The following NR2C2 variants were observed in gnomAD, a reference collection of about 807,000 sequenced individuals.
The protein encoded by NR2C2 is nuclear receptor subfamily 2 group C member 2, also known as Nuclear hormone receptor TR4.
In NR2C2, 6 loss-of-function variants were observed where a neutral mutation model predicts 62.9. That is an observed-to-expected ratio of 0.10 (90% confidence interval 0.05 to 0.19). The LOEUF is 0.19. Among genes scored for constraint, NR2C2 ranks in the 10% least tolerant of loss-of-function variants. NR2C2 has a pLI of 1.00. For missense variants in NR2C2, 479 were observed against 762.7 expected, an observed-to-expected ratio of 0.63 and a Z score of 4.38; for synonymous variants, 272 against 273.8, an observed-to-expected ratio of 0.99 and a Z score of 0.07.
chr3:14,978,723 T>G (rs1233804917), intron 1 of NR2C2, among the ~76,000 whole-genome samples: 2 of 152,168 alleles, frequency 1.3e-5, no homozygotes, highest in African/African-American at 4.8e-5. Flanking sequence ...ACCGATACTT[T>G]CACTTGGTTT....
chr3:14,969,976 G>A (rs886540979), intron 1 of NR2C2, among the ~76,000 whole-genome samples: 1 of 152,192 alleles, frequency 6.6e-6, no homozygotes, highest in African/African-American at 2.4e-5. Flanking sequence ...GTGCTGGAAT[G>A]CCTAACTCAC....
At chr3:14,950,150 A>G (rs536435166) in intron 1 of NR2C2, among the ~76,000 whole-genome samples, 4 of 152,262 alleles carry the variant, frequency 2.6e-5, no homozygotes, top group Admixed American at 6.5e-5. Context: ...TAATTAAGTG[A>G]TATAAATAAT....
chr3:15,034,612 C>T, intron 10 of NR2C2, 58 bp from the exon 11 acceptor site: 1 of 1,578,066 alleles, frequency 6.3e-7, no homozygotes, highest in Non-Finnish European at 8.6e-7. Flanking sequence ...CTGGATGCCC[C>T]ACAACCTTGG....
rs2343359 is a variant in NR2C2 at position 14,991,462 on chromosome 3, G to A, written c.-39-12414G>A. Reference sequence around the variant, plus strand: ...AAAGGAGGGTATGTGGTACATTTCAGTTCAAGCTGGAGGTGTCCCCTGCCT... The same window carrying A: ...AAAGGAGGGTATGTGGTACATTTCAATTCAAGCTGGAGGTGTCCCCTGCCT... On this transcript the variant is annotated intron_variant, in intron 1 of 13. Coordinates refer to ENST00000425241, the MANE Select transcript of NR2C2 (RefSeq NM_001291694.2). Among the ~76,000 whole-genome samples the A allele has an allele frequency of 3.0e-3, 458 of 152,312 alleles. 3 individuals carry two copies. The highest frequency in any genetic ancestry group is 5.5e-3 in the Non-Finnish European group (372 of 68,032).
At chr3:14,995,668 C>CGTGTGTGTGTGTGTGT (rs58878848) in intron 1 of NR2C2, among the ~76,000 whole-genome samples, 7,342 of 148,572 alleles carry the variant, frequency 0.049, 541 homozygotes, top group African/African-American at 0.15. Context: ...GTTTTCATTA[C>CGTGTGTGTGTGTGTGT]GTGTGTGTGT....
intron 2 of NR2C2, among the ~76,000 whole-genome samples, chr3:15,006,168 C>T (rs187492159): frequency 1.9e-3 from 290 of 152,218 alleles, no homozygotes; most frequent in African/African-American, 6.5e-3. Context: ...GATCATGCCA[C>T]TGCACTCCAG....
intron 1 of NR2C2, among the ~76,000 whole-genome samples, chr3:14,978,406 A>G (rs1462842537): frequency 2.0e-5 from 3 of 152,230 alleles, no homozygotes; most frequent in Admixed American, 6.5e-5. Context: ...GTAGCATGCT[A>G]GTATTAAATA....
chr3:15,021,681 G>A (rs957217429), intron 5 of NR2C2, among the ~76,000 whole-genome samples: 1 of 152,212 alleles, frequency 6.6e-6, no homozygotes, highest in African/African-American at 2.4e-5. Flanking sequence ...CAACTTGCAT[G>A]CAACTTGCAT....
At position 14,982,047 on chromosome 3, in the gene NR2C2, T is replaced by C. The variant is rs138978152; in HGVS notation, c.-39-21829T>C. ...ACACCCTCACAAACACACCCAGGAA[T>C]AATACTTTACATCCTTCAGTCCAAT... On this transcript the variant is annotated intron_variant, in intron 1 of 13. Transcript: ENST00000425241. Among the ~76,000 whole-genome samples the C allele has an allele frequency of 4.8e-3, 727 of 152,258 alleles. 2 individuals carry two copies. Among genetic ancestry groups the C allele is most frequent in the African/African-American group, 0.017 (694 of 41,540 alleles).
intron 7 of NR2C2, among the ~76,000 whole-genome samples, chr3:15,028,201 G>A (rs2041876601): frequency 6.6e-6 from 1 of 152,150 alleles, no homozygotes; most frequent in Non-Finnish European, 1.5e-5. Context: ...TTATTATTGA[G>A]TTGTTAGCGT....
chr3:15,014,906 T>C (rs1485238749), intron 3 of NR2C2, among the ~76,000 whole-genome samples: 2 of 152,244 alleles, frequency 1.3e-5, no homozygotes, highest in African/African-American at 2.4e-5. Context: ...GTTGAATTAA[T>C]GCTGCTTAGA....
chr3:15,006,766 A>T (rs568105699), intron 2 of NR2C2, among the ~76,000 whole-genome samples: 181 of 149,290 alleles, frequency 1.2e-3, no homozygotes, highest in African/African-American at 4.3e-3. Context: ...CTGTCTCCTC[A>T]GCCTTGAATC....
At chr3:14,999,370 A>G (rs562235214) in intron 1 of NR2C2, among the ~76,000 whole-genome samples, 3 of 152,176 alleles carry the variant, frequency 2.0e-5, no homozygotes, top group African/African-American at 7.2e-5. Context: ...CACACCTGTG[A>G]TCCTAGCTGC....
At chr3:14,952,807 C>T (rs1051149271) in intron 1 of NR2C2, among the ~76,000 whole-genome samples, 4 of 152,160 alleles carry the variant, frequency 2.6e-5, no homozygotes, top group Admixed American at 1.3e-4. Flanking sequence ...TATTGCTACC[C>T]GAGGTAGCAG....
At chr3:15,042,754 C>A in intron 13 of NR2C2, 80 bp from the exon 14 acceptor site, 1 of 1,330,988 alleles carries the variant, frequency 7.5e-7, no homozygotes. Flanking sequence ...GCAATACAGA[C>A]GGGACCCCAG....
intron 1 of NR2C2, among the ~76,000 whole-genome samples, chr3:14,983,462 T>TACACACACACAC (rs34788861): frequency 4.5e-4 from 66 of 146,886 alleles, no homozygotes; most frequent in East Asian, 2.6e-3. Context: ...ATACTCTTTA[T>TACACACACACAC]ACACACACAC....
In NR2C2 at chr3:15,048,076, C is replaced by A. The variant is rs924559234; in HGVS notation, c.*5068C>A. 2 of 152,686 alleles carry A rather than the reference C, an allele frequency of 1.3e-5. No homozygotes were observed. The highest frequency in any genetic ancestry group is 6.5e-5 in the Admixed American group (1 of 15,288). The allele number at this position is 152,686 out of a possible 1,614,324, so 9.5% of individuals were successfully genotyped here. Reference sequence around the variant, plus strand: ...AGGAATCACTAGATTGCTGCAAAAACTCACATAATCCACAGTTTCCTCTTT... The same window carrying A: ...AGGAATCACTAGATTGCTGCAAAAAATCACATAATCCACAGTTTCCTCTTT... On this transcript the variant is annotated 3_prime_UTR_variant, in exon 14 of 14. Coordinates refer to ENST00000425241, the MANE Select transcript of NR2C2 (RefSeq NM_001291694.2).
chr3:15,011,305 C>T (rs1183215246), intron 2 of NR2C2, among the ~76,000 whole-genome samples: 4 of 152,092 alleles, frequency 2.6e-5, no homozygotes, highest in South Asian at 2.1e-4. Context: ...TGCCACTGCA[C>T]GCCAGCCTGG....
intron 1 of NR2C2, among the ~76,000 whole-genome samples, chr3:14,958,503 C>T (rs1039004430): frequency 7.2e-5 from 11 of 152,054 alleles, no homozygotes; most frequent in African/African-American, 1.9e-4. Context: ...GTACCAAGAG[C>T]GAGTTTAGTG....
Sources: allele counts gnomAD v4.1 joint callset (sites outside exome capture counted in the v4.1 genomes callset), GRCh38; gene constraint gnomAD v4.1.1; transcripts MANE v1.5; gene names NCBI Gene and HGNC (gene_info 2026-07-23, HGNC 2026-07-21).